Variants in DLG2 observed in about 807,000 individuals in gnomAD.
DLG2 encodes the protein disks large homolog 2.
In DLG2, 45 loss-of-function variants were observed where a neutral mutation model predicts 132.5. That is an observed-to-expected ratio of 0.34 (90% confidence interval 0.27 to 0.44). The LOEUF is 0.44. Ranked by LOEUF, DLG2 falls within the 20% of genes least tolerant of loss-of-function variation. The probability of loss-of-function intolerance (pLI) is 1.00; values close to 1 mark genes in which losing one functional copy is unlikely to be tolerated. For synonymous variants in DLG2, 424 were observed against 419.6 expected (o/e 1.01, Z -0.13); for missense variants, 1,045 against 1,196.9 (o/e 0.87, Z 1.87).
chr11:84,240,200 A>G (rs180828615), intron 8 of DLG2, among the ~76,000 whole-genome samples: 233 of 152,322 alleles, frequency 1.5e-3, no homozygotes, highest in Admixed American at 2.6e-3. Flanking sequence ...TACATGTGCA[A>G]GGGCAACCCC....
intron 4 of DLG2, among the ~76,000 whole-genome samples, chr11:85,214,078 G>A (rs753014372): frequency 1.3e-5 from 2 of 152,038 alleles, no homozygotes; most frequent in Non-Finnish European, 2.9e-5. Flanking sequence ...AAACTTCAGG[G>A]TAGAACAAGA....
chr11:83,743,731 G>T (rs1489887001), intron 18 of DLG2, among the ~76,000 whole-genome samples: 1 of 152,096 alleles, frequency 6.6e-6, no homozygotes, highest in Admixed American at 6.6e-5. Context: ...ACTGCTCCTA[G>T]CCATGGACAG....
chr11:83,960,698 T>G (rs921129639), intron 14 of DLG2, among the ~76,000 whole-genome samples: 3 of 151,868 alleles, frequency 2.0e-5, no homozygotes, highest in Admixed American at 2.0e-4. Context: ...TTTGTGCATC[T>G]CTAGTGCAGC....
chr11:84,875,418 A>G (rs1379820360), intron 6 of DLG2, among the ~76,000 whole-genome samples: 1 of 152,098 alleles, frequency 6.6e-6, no homozygotes, highest in Non-Finnish European at 1.5e-5. Context: ...TCTACAAGGA[A>G]AATGTACACA....
chr11:83,601,211 G>A (rs1413557751), intron 19 of DLG2, among the ~76,000 whole-genome samples: 1 of 152,170 alleles, frequency 6.6e-6, no homozygotes, highest in Non-Finnish European at 1.5e-5. Context: ...CATAATCAGG[G>A]GAAGTGGGGT....
At chr11:84,652,715 A>C (rs1594925975) in intron 6 of DLG2, among the ~76,000 whole-genome samples, 1 of 152,208 alleles carries the variant, frequency 6.6e-6, no homozygotes, top group Non-Finnish European at 1.5e-5. Flanking sequence ...CTCAACTGCT[A>C]TAGGTATTAT....
chr11:84,806,190 T>TA (rs920739226), intron 6 of DLG2, among the ~76,000 whole-genome samples: 3 of 152,118 alleles, frequency 2.0e-5, no homozygotes, highest in Non-Finnish European at 4.4e-5. Flanking sequence ...TAGCATTATT[T>TA]AAAAAATCTA....
At position 83,926,171 on chromosome 11, in the gene DLG2, T is replaced by C. The variant is rs557470899; in HGVS notation, c.1496+4157A>G. ...GTACAATTAATTCATCCCTGAATGT[T>C]TGCTATTAATTCAAAGAGCTGAGAA... On this transcript the variant is annotated intron_variant, in intron 15 of 27. Coordinates refer to ENST00000376104, the MANE Select transcript of DLG2 (RefSeq NM_001142699.3). Among the ~76,000 whole-genome samples, 9 of 152,236 alleles carry C rather than the reference T, an allele frequency of 5.9e-5. No individual in the cohort carries two copies. In the East Asian group the frequency reaches 7.7e-4, roughly 13 times the overall value.
intron 3 of DLG2, among the ~76,000 whole-genome samples, chr11:85,365,023 C>T (rs2036782): frequency 0.11 from 16,456 of 151,936 alleles, 1,051 homozygotes; most frequent in African/African-American, 0.17. Context: ...GACCCTCACC[C>T]TACAGACAAA....
chr11:84,590,183 A>G (rs1027429956), intron 6 of DLG2, among the ~76,000 whole-genome samples: 1 of 152,216 alleles, frequency 6.6e-6, no homozygotes, highest in African/African-American at 2.4e-5. Flanking sequence ...TAGGGCAAAT[A>G]GTAATTAGTG....
intron 6 of DLG2, among the ~76,000 whole-genome samples, chr11:84,541,313 TGTCTCC>T (rs1358389282): frequency 3.3e-5 from 5 of 152,058 alleles, no homozygotes; most frequent in Admixed American, 3.3e-4. Flanking sequence ...ATACTACTTA[TGTCTCC>T]CTATCTTAGT....
chr11:84,709,678 G>A (rs1156282041), intron 6 of DLG2, among the ~76,000 whole-genome samples: 1 of 151,762 alleles, frequency 6.6e-6, no homozygotes, highest in East Asian at 2.0e-4. Context: ...TCTTTGCTTG[G>A]TACAGAGGGT....
intron 9 of DLG2, among the ~76,000 whole-genome samples, chr11:84,110,006 T>A (rs764283326): frequency 6.6e-6 from 1 of 152,188 alleles, no homozygotes; most frequent in Non-Finnish European, 1.5e-5. Context: ...CACTCTCTAG[T>A]TTAGAACATC....
At chr11:85,236,833 T>C (rs2075611792) in intron 4 of DLG2, among the ~76,000 whole-genome samples, 1 of 152,090 alleles carries the variant, frequency 6.6e-6, no homozygotes, top group East Asian at 1.9e-4. Context: ...TAAGCCCAAA[T>C]GTGTCTAATC....
At position 84,404,610 on chromosome 11, in the gene DLG2, A is replaced by T. The variant is rs568265166; in HGVS notation, c.519+129960T>A. On this transcript the variant is annotated intron_variant, in intron 7 of 27. Coordinates refer to ENST00000376104, the MANE Select transcript of DLG2 (RefSeq NM_001142699.3). ...TAAATATAAGTAGAATATATACTAG[A>T]TATCTATGTACAGGATGATTGAAAG... Among the ~76,000 whole-genome samples, 5 of 152,278 alleles carry T rather than the reference A, an allele frequency of 3.3e-5. No homozygotes were observed. The South Asian group carries it at 1.0e-3, about 32-fold the overall frequency.
At chr11:85,610,446 C>T (rs1212378240) in intron 2 of DLG2, among the ~76,000 whole-genome samples, 1 of 152,200 alleles carries the variant, frequency 6.6e-6, no homozygotes, top group Admixed American at 6.5e-5. Context: ...CTTCTGTATT[C>T]CCCTGCACTC....
intron 3 of DLG2, among the ~76,000 whole-genome samples, chr11:85,593,004 C>T (rs915333366): frequency 1.8e-4 from 23 of 131,170 alleles, no homozygotes; most frequent in Non-Finnish European, 3.2e-4. Flanking sequence ...GAAGGAAGGA[C>T]GGAAGGAAAG....
At chr11:84,932,009 T>C (rs950651480) in intron 6 of DLG2, among the ~76,000 whole-genome samples, 7 of 152,244 alleles carry the variant, frequency 4.6e-5, no homozygotes, top group African/African-American at 1.4e-4. Context: ...TTACACATGC[T>C]TATTATTAGA....
At chr11:85,602,244 T>A (rs2080214129) in intron 2 of DLG2, among the ~76,000 whole-genome samples, 1 of 152,136 alleles carries the variant, frequency 6.6e-6, no homozygotes, top group Admixed American at 6.6e-5. Context: ...GGCTCCAACA[T>A]CAAATTATAT....
Sources: allele counts gnomAD v4.1 joint callset (sites outside exome capture counted in the v4.1 genomes callset), GRCh38; gene constraint gnomAD v4.1.1; transcripts MANE v1.5; gene names NCBI Gene and HGNC (gene_info 2026-07-23, HGNC 2026-07-21).